The following DPH6 variants were observed in gnomAD, a reference collection of about 807,000 sequenced individuals.
DPH6 encodes diphthine--ammonia ligase.
DPH6 carries 33 observed loss-of-function variants against 38.2 expected under a neutral mutation model. That is an observed-to-expected ratio of 0.86 (90% CI 0.65 to 1.15). The LOEUF (loss-of-function observed/expected upper bound fraction) is 1.15. Ranked by LOEUF, DPH6 falls within the 50% of genes most tolerant of loss-of-function variation. The pLI, the probability that DPH6 is intolerant of heterozygous loss-of-function variation, is 0.00. For synonymous variants in DPH6, 108 were observed against 103.0 expected (o/e 1.05, Z -0.30); for missense variants, 325 against 320.0 (o/e 1.02, Z -0.12).
chr15:35,513,646 T>C (rs534695202), intron 3 of DPH6, among the ~76,000 whole-genome samples: 2 of 152,040 alleles, frequency 1.3e-5, no homozygotes, highest in African/African-American at 4.8e-5. Flanking sequence ...TTATTACAAA[T>C]CTTAACTATA....
intron 3 of DPH6, chr15:35,520,496 C>T: frequency 1.1e-5 from 11 of 984,252 alleles, no homozygotes; most frequent in Non-Finnish European, 1.3e-5. Context: ...TGTTACAATT[C>T]TTTGAAATTA....
chr15:35,236,910 T>C (rs1315359467), intron 3 of DPH6, among the ~76,000 whole-genome samples: 1 of 152,190 alleles, frequency 6.6e-6, no homozygotes, highest in Non-Finnish European at 1.5e-5. Flanking sequence ...TGTATTCTGT[T>C]AATAAACACT....
chr15:35,395,486 T>G (rs866552430), intron 6 of DPH6, among the ~76,000 whole-genome samples: 1 of 152,178 alleles, frequency 6.6e-6, no homozygotes, highest in African/African-American at 2.4e-5. Context: ...GGCCTTACAT[T>G]CCCACATAAC....
chr15:35,520,917 A>C (rs1400877712), intron 3 of DPH6: 12 of 985,128 alleles, frequency 1.2e-5, no homozygotes, highest in Non-Finnish European at 1.3e-5. Flanking sequence ...TGTCACTCTC[A>C]AAATTCCAGA....
intron 3 of DPH6, among the ~76,000 whole-genome samples, chr15:35,349,765 G>A (rs944015297): frequency 6.6e-6 from 1 of 152,132 alleles, no homozygotes; most frequent in African/African-American, 2.4e-5. Flanking sequence ...TTTTGTTAAT[G>A]TGATGTCTTA....
chr15:35,310,981 C>T (rs1054492412), intron 3 of DPH6, among the ~76,000 whole-genome samples: 1 of 151,614 alleles, frequency 6.6e-6, no homozygotes, highest in African/African-American at 2.4e-5. Context: ...ATCGCTTGAA[C>T]CCGGGAGGAG....
At chr15:35,513,764 C>T (rs566885030) in intron 3 of DPH6, among the ~76,000 whole-genome samples, 11 of 151,864 alleles carry the variant, frequency 7.2e-5, no homozygotes, top group African/African-American at 1.4e-4. Flanking sequence ...TTTCTCTTCC[C>T]AAACATAATT....
intron 3 of DPH6, chr15:35,518,880 C>G (rs1046305443): frequency 1.3e-5 from 2 of 151,898 alleles, no homozygotes; most frequent in African/African-American, 4.8e-5. Flanking sequence ...TAATACCTCA[C>G]AAAAACATCA....
intron 3 of DPH6, among the ~76,000 whole-genome samples, chr15:35,278,563 G>C (rs1213829987): frequency 6.6e-6 from 1 of 152,232 alleles, no homozygotes; most frequent in East Asian, 1.9e-4. Flanking sequence ...GGAGCAGTAA[G>C]AAGGGGGCCA....
chr15:35,272,398 T>C (rs1372799613), intron 3 of DPH6, among the ~76,000 whole-genome samples: 1 of 152,126 alleles, frequency 6.6e-6, no homozygotes, highest in Non-Finnish European at 1.5e-5. Context: ...GGCTAACATC[T>C]AGGAAGCATG....
At chr15:35,172,459 T>C in the DPH6 span, among the ~76,000 whole-genome samples, 6 of 152,218 alleles carry the variant, frequency 3.9e-5, no homozygotes, top group African/African-American at 1.4e-4. Context: ...TCAATCTGTA[T>C]GTTCAATTCA....
At chr15:35,489,547 A>AT (rs2141169190) in intron 3 of DPH6, 1 of 983,220 alleles carries the variant, frequency 1.0e-6, no homozygotes, top group African/African-American at 1.7e-5. Context: ...GGATGAGTCT[A>AT]TATCTTTCTC....
At chr15:35,423,167 C>T (rs2053527116) in intron 5 of DPH6, among the ~76,000 whole-genome samples, 1 of 151,874 alleles carries the variant, frequency 6.6e-6, no homozygotes, top group Non-Finnish European at 1.5e-5. Flanking sequence ...TACCAATTTA[C>T]ATTCCCACCA....
rs551907388 is a variant in DPH6, at chr15:35,474,668, A to G, written c.313-19848T>C. On this transcript the variant is annotated intron_variant, in intron 3 of 8. Transcript: ENST00000256538. ...GTATATTTAAACACTACGTAAATGT[A>G]AAAAATTAAAATGAAGAATTTTTAA... is the stretch of plus-strand genomic sequence containing the variant. 2.1e-4 allele frequency among the ~76,000 whole-genome samples: 32 copies of G among 152,296 alleles called. No homozygotes were observed. In the South Asian group the frequency reaches 6.4e-3, roughly 31 times the overall value.
At chr15:35,246,017 C>T (rs2051635512) in intron 3 of DPH6, among the ~76,000 whole-genome samples, 1 of 152,144 alleles carries the variant, frequency 6.6e-6, no homozygotes, top group South Asian at 2.1e-4. Context: ...TGTGAAATTC[C>T]TTCTCCTGGC....
intron 3 of DPH6, among the ~76,000 whole-genome samples, chr15:35,257,774 G>GTGTGTGTGTT: frequency 6.6e-6 from 1 of 151,262 alleles, no homozygotes; most frequent in Middle Eastern, 3.4e-3. Flanking sequence ...TCTCAGCTTT[G>GTGTGTGTGTT]TGTGTGTGTG....
chr15:35,338,467 C>T (rs962798053), intron 3 of DPH6, among the ~76,000 whole-genome samples: 10 of 152,150 alleles, frequency 6.6e-5, no homozygotes, highest in Non-Finnish European at 1.2e-4. Flanking sequence ...TAATACAAAT[C>T]GAAACCACAA....
chr15:35,227,119 T>A (rs1008019866), intron 3 of DPH6, among the ~76,000 whole-genome samples: 34 of 151,438 alleles, frequency 2.2e-4, no homozygotes, highest in Non-Finnish European at 7.4e-5. Context: ...ATGTAGTTGC[T>A]CATAGTAGCC....
At chr15:35,397,991 A>C (rs1449919593) in intron 6 of DPH6, among the ~76,000 whole-genome samples, 2 of 152,092 alleles carry the variant, frequency 1.3e-5, no homozygotes, top group Non-Finnish European at 2.9e-5. Context: ...ATCTCCTTCA[A>C]GACAGGAGAA....
Sources: gnomAD v4.1 joint callset for allele counts (sites outside exome capture counted in the v4.1 genomes callset) on GRCh38, gnomAD v4.1.1 for gene constraint, MANE v1.5 for transcripts, NCBI Gene and HGNC (gene_info 2026-07-23, HGNC 2026-07-21) for gene names.